Variants in TOP1MT observed in about 807,000 individuals in gnomAD.
TOP1MT encodes the protein DNA topoisomerase I mitochondrial, also known as DNA topoisomerase I, mitochondrial.
Under a neutral mutation model 73.9 loss-of-function variants are expected in TOP1MT, and 80 were observed. The observed-to-expected ratio is 1.08, with a 90% CI of 0.90 to 1.30. The LOEUF (loss-of-function observed/expected upper bound fraction) is 1.30, where lower values mean the gene tolerates loss of function less well. TOP1MT is among the 50% of genes most tolerant of loss of function. The probability of loss-of-function intolerance (pLI) is 0.00; values close to 1 mark genes in which losing one functional copy is unlikely to be tolerated. For missense variants in TOP1MT, 815 were observed against 808.0 expected (o/e 1.01, Z -0.10); for synonymous variants, 338 against 326.4 (o/e 1.04, Z -0.38).
At chr8:143,329,779 G>A (rs1362702741) in intron 2 of TOP1MT, among the ~76,000 whole-genome samples, 2 of 152,150 alleles carry the variant, frequency 1.3e-5, no homozygotes, top group East Asian at 3.8e-4. Flanking sequence ...AATGGAACAT[G>A]TACAATTTTA....
intron 3 of TOP1MT, chr8:143,328,190 C>T: frequency 2.2e-6 from 1 of 452,932 alleles, no homozygotes; most frequent in South Asian, 1.6e-5. Context: ...CAAAAGTACT[C>T]ACCATAAAAG....
upstream of TOP1MT, among the ~76,000 whole-genome samples, chr8:143,356,785 CAAAAAA>C (rs1161995816): frequency 4.6e-4 from 12 of 25,952 alleles, no homozygotes; most frequent in African/African-American, 2.4e-3. Context: ...GACTCTGTCT[CAAAAAA>C]AAAAAAAAAA....
upstream of TOP1MT, among the ~76,000 whole-genome samples, chr8:143,346,073 T>C (rs1257906373): frequency 6.6e-6 from 1 of 152,178 alleles, no homozygotes; most frequent in Non-Finnish European, 1.5e-5. Flanking sequence ...GTACAGTTTA[T>C]CACGTGTAGA....
chr8:143,339,704 A>C (rs550845949), upstream of TOP1MT, among the ~76,000 whole-genome samples: 1 of 152,074 alleles, frequency 6.6e-6, no homozygotes, highest in Admixed American at 6.5e-5. Context: ...ACTGGTCTAC[A>C]CAGCACTCCC....
intron 1 of TOP1MT, among the ~76,000 whole-genome samples, chr8:143,333,024 T>C (rs1816901844): frequency 2.0e-5 from 3 of 152,128 alleles, no homozygotes; most frequent in Admixed American, 2.0e-4. Context: ...ATGTCTAGGG[T>C]GGGGCTGGTA....
Position 143,330,284 on chromosome 8 carries a change from G to A in TOP1MT, c.239-813C>T, listed in dbSNP as rs149169768. Among the ~76,000 whole-genome samples the A allele has an allele frequency of 1.2e-3, 186 of 152,280 alleles. 1 individual carries two copies. Among genetic ancestry groups the A allele is most frequent in the African/African-American group, 4.3e-3 (177 of 41,564 alleles). Reference sequence around the variant, plus strand: ...TGTCCACCATGGCCCTGCATAAGCAGTCCTCGCCTGCCATGTCCCTCCTGG... The same window carrying A: ...TGTCCACCATGGCCCTGCATAAGCAATCCTCGCCTGCCATGTCCCTCCTGG... On this transcript the variant is annotated intron_variant, in intron 2 of 13. Transcript: ENST00000329245.
In TOP1MT at chr8:143,315,712, G is replaced by A; in HGVS notation, c.1553+15C>T. 1.2e-6 allele frequency: 2 copies of A among 1,611,160 alleles called. No homozygotes were observed. The highest frequency in any genetic ancestry group is 2.2e-5 in the South Asian group (2 of 90,980). ...AGGGCCCCGGGAGAAGGCGTCTGAG[G>A]GCACGGGTACTCACCTCCTGGACTT... is the stretch of plus-strand genomic sequence containing the variant. On this transcript the variant is annotated intron_variant, in intron 12 of 13. Transcript: ENST00000329245.
At chr8:143,323,646 G>T (rs1350460045) in intron 7 of TOP1MT, among the ~76,000 whole-genome samples, 6 of 39,114 alleles carry the variant, frequency 1.5e-4, no homozygotes, top group Non-Finnish European at 2.1e-4. Flanking sequence ...CCACACGCAC[G>T]CCACACACAT....
In TOP1MT at chr8:143,309,538, T is replaced by C. The variant is rs1421100064; in HGVS notation, c.1709A>G (p.Lys570Arg). Residue 570 changes from lysine (K) to arginine (R), a missense_variant, in exon 14 of 14, where the codon AAG (lysine) becomes AGG (arginine). Transcript: ENST00000329245. ...CTTCTCCACTGGCACCCTGAACCGC[T>C]TGCACCTGCGGGAGGCAGCATCAGC... Reference protein sequence around the residue: ...LDPRISIAWCKRFRVPVEKIY... With the variant: ...LDPRISIAWCRRFRVPVEKIY... 5.0e-6 allele frequency: 8 copies of C among 1,613,712 alleles called. No homozygotes were observed. The highest frequency in any genetic ancestry group is 2.2e-5 in the South Asian group (2 of 91,084).
At chr8:143,310,028 AT>A in intron 13 of TOP1MT, 39 bp downstream of exon 13, 1 of 1,604,360 alleles carries the variant, frequency 6.2e-7, no homozygotes. Context: ...CAGGCCCCCC[AT>A]AGGCCACAGG....
chr8:143,330,688 G>A (rs1395257994), intron 2 of TOP1MT, among the ~76,000 whole-genome samples: 2 of 152,178 alleles, frequency 1.3e-5, no homozygotes, highest in African/African-American at 4.8e-5. Context: ...AGCAGCACAA[G>A]AGCCAAGCCA....
chr8:143,327,785 C>T (rs534389866), intron 3 of TOP1MT: 25 of 436,132 alleles, frequency 5.7e-5, no homozygotes, highest in South Asian at 2.0e-4. Flanking sequence ...GGTCCAGAAG[C>T]GGAGCCTGCA....
At chr8:143,330,557 AG>A (rs2130306275) in intron 2 of TOP1MT, among the ~76,000 whole-genome samples, 1 of 152,304 alleles carries the variant, frequency 6.6e-6, no homozygotes, top group Non-Finnish European at 1.5e-5. Flanking sequence ...GGCCCACGGG[AG>A]GGCTGGTGGG....
chr8:143,321,609 C>T (rs1468898207), intron 7 of TOP1MT, among the ~76,000 whole-genome samples: 1 of 128,484 alleles, frequency 7.8e-6, no homozygotes, highest in African/African-American at 3.2e-5. Flanking sequence ...GCCACACGCA[C>T]GCACGCCACA....
At chr8:143,357,786 T>C (rs748803281), upstream of TOP1MT, among the ~76,000 whole-genome samples, 1 of 151,866 alleles carries the variant, frequency 6.6e-6, no homozygotes, top group Non-Finnish European at 1.5e-5. Context: ...CTGGGTGTGG[T>C]GGCACACGAC....
rs750383074 is a variant in TOP1MT at position 143,342,676 on chromosome 8, C to CTAT, written c.29+541_29+543dup. On this transcript the variant is annotated intron_variant, in intron 2 of 5. Coordinates refer to the TOP1MT transcript ENST00000518007. ...TATTATTATTAGAGACAGTCTCGCT[C>CTAT]TATTATTATTATTATTATTAGAGAC... Among the ~76,000 whole-genome samples the CTAT allele has an allele frequency of 3.7e-4, 10 of 26,984 alleles. 2 individuals carry two copies. The highest frequency in any genetic ancestry group is 1.6e-3 in the African/African-American group (6 of 3,702). 17.7% of individuals were successfully genotyped at this position (26,984 alleles called of 152,430 possible).
upstream of TOP1MT, among the ~76,000 whole-genome samples, chr8:143,358,970 T>C (rs1251203643): frequency 6.6e-6 from 1 of 152,146 alleles, no homozygotes; most frequent in Non-Finnish European, 1.5e-5. Flanking sequence ...TCATGTTTTT[T>C]AAATCACTAT....
chr8:143,349,986 C>T (rs1817294412), intron 1 of TOP1MT, among the ~76,000 whole-genome samples: 1 of 152,124 alleles, frequency 6.6e-6, no homozygotes, highest in Non-Finnish European at 1.5e-5. Context: ...TAATACACTC[C>T]CACAACCCCA....
At chr8:143,309,634 T>TGCAGCAGAG in intron 13 of TOP1MT, 91 bp from the exon 14 acceptor site, 1 of 1,577,532 alleles carries the variant, frequency 6.3e-7, no homozygotes, top group Non-Finnish European at 8.6e-7. Context: ...GCGTCCTCCA[T>TGCAGCAGAG]GCAGCAGAGA....
Sources: allele counts gnomAD v4.1 joint callset (sites outside exome capture counted in the v4.1 genomes callset), GRCh38; gene constraint gnomAD v4.1.1; transcripts MANE v1.5; gene names NCBI Gene and HGNC (gene_info 2026-07-23, HGNC 2026-07-21).